Variants in ZNF469 observed in about 807,000 individuals in gnomAD.
The protein encoded by ZNF469 is zinc finger protein 469.
ZNF469 carries 1 observed loss-of-function variant against 1.0 expected under a neutral mutation model. That is an observed-to-expected ratio of 1.00 (90% CI 0.35 to 4.73). The LOEUF (loss-of-function observed/expected upper bound fraction) is 4.73, where lower values mean the gene tolerates loss of function less well. Among genes scored for constraint, ZNF469 ranks in the 30% most tolerant of loss-of-function variants. The probability of loss-of-function intolerance (pLI) is 0.16; values close to 1 mark genes in which losing one functional copy is unlikely to be tolerated. For synonymous variants in ZNF469, 2,703 were observed against 2,363.4 expected (o/e 1.14, Z -4.17); for missense variants, 6,100 against 5,356.3 (o/e 1.14, Z -4.33).
chr16:88,247,543 AGT>A, the ZNF469 span, among the ~76,000 whole-genome samples: 1 of 150,142 alleles, frequency 6.7e-6, no homozygotes, highest in Admixed American at 6.6e-5. Context: ...TGAGTGAATG[AGT>A]GAATGAATGA....
the ZNF469 span, among the ~76,000 whole-genome samples, chr16:88,176,755 C>A: frequency 2.6e-5 from 4 of 152,272 alleles, no homozygotes; most frequent in South Asian, 6.2e-4. Context: ...CCGGCCCCTG[C>A]CACAACCCCC....
the ZNF469 span, among the ~76,000 whole-genome samples, chr16:88,239,840 G>T: frequency 2.7e-5 from 4 of 149,112 alleles, no homozygotes; most frequent in Admixed American, 2.0e-4. Context: ...GATTACAGGT[G>T]TGAGCCACCA....
chr16:88,309,041 G>C, the ZNF469 span, among the ~76,000 whole-genome samples: 2 of 152,254 alleles, frequency 1.3e-5, no homozygotes, highest in East Asian at 3.9e-4. Flanking sequence ...CCCCTGCCCA[G>C]GGCCCAGACC....
At chr16:88,365,839 C>T in the ZNF469 span, among the ~76,000 whole-genome samples, 31 of 152,240 alleles carry the variant, frequency 2.0e-4, 1 homozygote, top group East Asian at 5.6e-3. Flanking sequence ...GAGGCAATGC[C>T]GCCACACAAG....
At chr16:88,151,340 G>A in the ZNF469 span, among the ~76,000 whole-genome samples, 5 of 152,332 alleles carry the variant, frequency 3.3e-5, no homozygotes, top group Admixed American at 1.3e-4. The surrounding 1 kb of genome is among the most constrained non-coding windows in gnomAD (Gnocchi z 5.4). Flanking sequence ...TGATGTGTTC[G>A]GTGACTCAGC....
chr16:88,306,656 C>T, the ZNF469 span, among the ~76,000 whole-genome samples: 8 of 152,280 alleles, frequency 5.3e-5, no homozygotes, highest in South Asian at 4.1e-4. Context: ...GCTGTTGGAA[C>T]GTAGCTCAGA....
At chr16:88,213,872 A>G in the ZNF469 span, among the ~76,000 whole-genome samples, 1 of 152,182 alleles carries the variant, frequency 6.6e-6, no homozygotes, top group African/African-American at 2.4e-5. Context: ...GCTTACGATG[A>G]GAGCTCAAGA....
the ZNF469 span, among the ~76,000 whole-genome samples, chr16:88,106,566 AG>A: frequency 1.3e-5 from 2 of 152,256 alleles, no homozygotes; most frequent in Non-Finnish European, 2.9e-5. Context: ...CCACGTGTCT[AG>A]GCCAACCAGC....
chr16:88,246,810 GGAGTGAATGGTGAATGAGT>G, the ZNF469 span, among the ~76,000 whole-genome samples: 65 of 151,770 alleles, frequency 4.3e-4, no homozygotes, highest in African/African-American at 1.2e-3. Context: ...AGTGAATGAG[GGAGTGAATGGTGAATGAGT>G]GAGTGAATGG....
chr16:88,180,994 A>T, the ZNF469 span, among the ~76,000 whole-genome samples: 4 of 152,220 alleles, frequency 2.6e-5, no homozygotes, highest in Admixed American at 2.6e-4. Flanking sequence ...AAGGATGTAG[A>T]ACCCTGAATC....
the ZNF469 span, among the ~76,000 whole-genome samples, chr16:88,322,592 G>A: frequency 6.6e-6 from 1 of 152,234 alleles, no homozygotes; most frequent in African/African-American, 2.4e-5. Flanking sequence ...GACTGACGAG[G>A]AGGGTTTGTG....
At chr16:88,230,843 T>TGGGAG in the ZNF469 span, among the ~76,000 whole-genome samples, 2 of 152,216 alleles carry the variant, frequency 1.3e-5, no homozygotes, top group South Asian at 4.2e-4. Flanking sequence ...CCCCGTGGCC[T>TGGGAG]CTCCTGTGGA....
At position 88,431,229 on chromosome 16, in the gene ZNF469, G is replaced by T. The variant is rs543669472; in HGVS notation, c.3759G>T (p.Ala1253=). 9 of 1,550,366 alleles carry T rather than the reference G, an allele frequency of 5.8e-6. No homozygotes were observed. In the South Asian group the frequency reaches 1.1e-4, roughly 18 times the overall value. Residue 1253 remains alanine, a synonymous_variant, in exon 3 of 3, where the codon GCG becomes GCT. Transcript: ENST00000565624. The part of the protein sequence containing the change: ...EALRSPPAAC[A]GEMGASPGLL... ...TGCGTTCTCCTCCAGCCGCCTGTGC[G>T]GGAGAAATGGGAGCAAGCCCCGGTC...
intron 1 of ZNF469, among the ~76,000 whole-genome samples, chr16:88,415,850 C>T (rs1905288250): frequency 6.6e-6 from 1 of 152,204 alleles, no homozygotes; most frequent in African/African-American, 2.4e-5. Context: ...TGGAAGGCCA[C>T]ACCCGGCACA....
chr16:88,273,727 C>G, the ZNF469 span, among the ~76,000 whole-genome samples: 1 of 152,026 alleles, frequency 6.6e-6, no homozygotes, highest in Non-Finnish European at 1.5e-5. Context: ...TTCACAACTG[C>G]TAAAAGGTGG....
chr16:88,285,031 C>T, the ZNF469 span, among the ~76,000 whole-genome samples: 1 of 152,264 alleles, frequency 6.6e-6, no homozygotes, highest in Non-Finnish European at 1.5e-5. Context: ...CCCCTAGGGC[C>T]GGGTCTCAGG....
intron 1 of ZNF469, among the ~76,000 whole-genome samples, chr16:88,409,871 G>A (rs1179317518): frequency 0.016 from 98 of 6,242 alleles, no homozygotes; most frequent in Non-Finnish European, 0.051. Flanking sequence ...TTGGCCGGGG[G>A]GGGGGGGGGG....
chr16:88,367,042 C>G, the ZNF469 span, among the ~76,000 whole-genome samples: 1 of 152,320 alleles, frequency 6.6e-6, no homozygotes, highest in Middle Eastern at 3.4e-3. Flanking sequence ...TCACCATTGT[C>G]TTCATCACCA....
the ZNF469 span, among the ~76,000 whole-genome samples, chr16:88,213,419 GT>G: frequency 3.9e-5 from 6 of 152,120 alleles, no homozygotes; most frequent in African/African-American, 1.2e-4. Context: ...TTTAATAGTA[GT>G]TTTTTTATAG....
Sources: allele counts gnomAD v4.1 joint callset (sites outside exome capture counted in the v4.1 genomes callset), GRCh38; gene constraint gnomAD v4.1.1; non-coding constraint Gnocchi (gnomAD v3.1); transcripts MANE v1.5; gene names NCBI Gene and HGNC (gene_info 2026-07-23, HGNC 2026-07-21).